The following MAU2 variants were observed in gnomAD, a reference collection of about 807,000 sequenced individuals.
MAU2 encodes the protein MAU2 chromatid cohesion factor homolog.
In MAU2, 9 loss-of-function variants were observed where a neutral mutation model predicts 89.1. The observed-to-expected ratio is 0.10, with a 90% confidence interval of 0.06 to 0.18. MAU2 has a LOEUF of 0.18. MAU2 is among the 10% of genes least tolerant of loss of function. The pLI is 1.00. For synonymous variants in MAU2, 357 were observed against 343.4 expected, an observed-to-expected ratio of 1.04 and a Z score of -0.44; for missense variants, 425 against 803.5, an observed-to-expected ratio of 0.53 and a Z score of 5.69.
chr19:19,343,833 A>G lies in MAU2; in HGVS notation c.974-4A>G. ...GCATGCTTACCCCTGACTCTCACCCATAGTGCTGGACTGCAGCCCCATCCT... is the reference window on the plus strand; with the variant it reads ...GCATGCTTACCCCTGACTCTCACCCGTAGTGCTGGACTGCAGCCCCATCCT... On this transcript the variant is annotated splice_polypyrimidine_tract_variant and splice_region_variant and intron_variant, in intron 9 of 18. Transcript: ENST00000262815. 1.2e-6 allele frequency: 2 copies of G among 1,611,256 alleles called. No homozygotes were observed. The highest frequency in any genetic ancestry group is 1.7e-6 in the Non-Finnish European group (2 of 1,177,998).
rs2146686593 is a variant in MAU2, at chr19:19,341,387, C to T, written c.715C>T (p.His239Tyr). The T allele has an allele frequency of 6.2e-7, 1 of 1,613,958 alleles. No homozygotes were observed. The highest frequency in any genetic ancestry group is 8.5e-7 in the Non-Finnish European group (1 of 1,180,010). The change falls in exon 7 of 19, where the codon CAC (histidine) becomes TAC (tyrosine). Residue 239 changes from histidine (H) to tyrosine (Y), a missense_variant. By Grantham distance (83) the His-to-Tyr change is moderately conservative. Coordinates refer to ENST00000262815, the MANE Select transcript of MAU2 (RefSeq NM_015329.4). ...RVFFLVLQVT[H>Y]YLDAGQVKSV... ...CTTCTTCCTGGTGCTCCAGGTCACC[C>T]ACTATCTGGATGCCGGGCAGGTGTG... is the stretch of plus-strand genomic sequence containing the variant.
rs2061680670 is a variant in MAU2, at chr19:19,344,857, G to C, written c.1086G>C (p.Gln362His). Residue 362 changes from glutamine (Q) to histidine (H), a missense_variant, in exon 11 of 19, where the codon CAG becomes CAC. Transcript: ENST00000262815. ...ACACTCTCTCCCGGCAGATCTCCCA[G>C]GTCTGCCAGCTGTGCCAGCAGTCCC... Reference protein sequence around the residue: ...HKATALQEISQVCQLCQQSPR... With the variant: ...HKATALQEISHVCQLCQQSPR... The C allele has an allele frequency of 1.2e-6, 2 of 1,613,484 alleles. No homozygotes were observed. Among genetic ancestry groups the C allele is most frequent in the Non-Finnish European group, 1.7e-6 (2 of 1,179,932 alleles).
At position 19,345,164 on chromosome 19, in the gene MAU2, T is replaced by C. The variant is rs544606647; in HGVS notation, c.1156-140T>C. Reference sequence around the variant, plus strand: ...TGAAAGGTGGGGACAGTGAGCATATTACCTGCCTTGCAGCTGGCTCGGTAG... The same window carrying C: ...TGAAAGGTGGGGACAGTGAGCATATCACCTGCCTTGCAGCTGGCTCGGTAG... On this transcript the variant is annotated intron_variant, in intron 11 of 18. Coordinates refer to ENST00000262815, the MANE Select transcript of MAU2 (RefSeq NM_015329.4). The surrounding 1 kb of genome is among the most constrained non-coding windows in gnomAD (Gnocchi z 4.9). 2.1e-5 allele frequency: 17 copies of C among 792,434 alleles called. No individual in the cohort carries two copies. Among genetic ancestry groups the C allele is most frequent in the African/African-American group, 2.0e-4 (12 of 59,222 alleles). The allele number at this position is 792,434 out of a possible 1,614,324, so 49.1% of individuals were successfully genotyped here.
At chr19:19,331,682 ACCTGAGC>A (rs933414163) in intron 1 of MAU2, among the ~76,000 whole-genome samples, 29 of 151,966 alleles carry the variant, frequency 1.9e-4, no homozygotes, top group Non-Finnish European at 7.4e-5. Flanking sequence ...TGGGACGATC[ACCTGAGC>A]CCAGGAGTTC....
chr19:19,330,700 A>G (rs1020809977), intron 1 of MAU2, among the ~76,000 whole-genome samples: 1 of 152,106 alleles, frequency 6.6e-6, no homozygotes. Flanking sequence ...AGATCACACC[A>G]TTGCACTCCA....
chr19:19,342,985 C>G, intron 9 of MAU2, 119 bp downstream of exon 9: 1 of 1,023,712 alleles, frequency 9.8e-7, no homozygotes, highest in Non-Finnish European at 1.5e-6. Context: ...AGCCACCCTG[C>G]CTGGTGGGTC....
At chr19:19,347,431 G>A (rs796666563) in intron 13 of MAU2, 65 bp downstream of exon 13, 3 of 1,310,002 alleles carry the variant, frequency 2.3e-6, no homozygotes, top group Middle Eastern at 3.7e-4. Context: ...GGAACCAGGG[G>A]GTTGTCCTGG....
Position 19,345,461 on chromosome 19 carries a change from A to T in MAU2, c.1221+92A>T. On this transcript the variant is annotated intron_variant, in intron 12 of 18. Transcript: ENST00000262815. The surrounding 1 kb of genome is among the most constrained non-coding windows in gnomAD (Gnocchi z 4.9). ...CTGTGATGAGGACAGCAGTCGCGCT[A>T]GGTCAGCTATGCAAAGCCGCAGCCC... is the stretch of plus-strand genomic sequence containing the variant. The T allele has an allele frequency of 7.9e-7, 1 of 1,267,510 alleles. No individual in the cohort carries two copies. Among genetic ancestry groups the T allele is most frequent in the Non-Finnish European group, 1.1e-6 (1 of 879,250 alleles). The allele number at this position is 1,267,510 out of a possible 1,614,324, so 78.5% of individuals were successfully genotyped here. A position where few individuals can be genotyped will look rare whatever the true frequency, so the allele number is the denominator to read the frequency against.
At chr19:19,351,863 T>TC (rs1194037092) in intron 16 of MAU2, among the ~76,000 whole-genome samples, 3 of 143,652 alleles carry the variant, frequency 2.1e-5, no homozygotes, top group African/African-American at 7.8e-5. Flanking sequence ...TTTTTTTTTT[T>TC]TTTGAGATGA....
intron 1 of MAU2, among the ~76,000 whole-genome samples, chr19:19,325,945 A>G (rs1355521383): frequency 6.6e-6 from 1 of 150,606 alleles, no homozygotes; most frequent in East Asian, 1.9e-4. Context: ...TTTTTATTTA[A>G]GGTTATTTCT....
intron 6 of MAU2, 103 bp from the exon 7 acceptor site, chr19:19,341,149 G>A (rs2061642140): frequency 7.3e-7 from 1 of 1,378,318 alleles, no homozygotes; most frequent in Admixed American, 2.1e-5. Flanking sequence ...CTCTGGATTG[G>A]TGGCAGCAGT....
At chr19:19,334,639 C>T (rs2061581972) in intron 1 of MAU2, 1 of 978,694 alleles carries the variant, frequency 1.0e-6, no homozygotes, top group Non-Finnish European at 1.2e-6. Flanking sequence ...AGTCAGCTTC[C>T]AGGGGTGACA....
intron 17 of MAU2, among the ~76,000 whole-genome samples, chr19:19,354,773 T>C (rs1028014309): frequency 2.0e-5 from 3 of 152,322 alleles, no homozygotes; most frequent in Non-Finnish European, 4.4e-5. Flanking sequence ...ACCTATTGGG[T>C]AGGGCTGGCC....
At chr19:19,353,540 C>T (rs993146398) in intron 16 of MAU2, 3 of 152,316 alleles carry the variant, frequency 2.0e-5, no homozygotes, top group Non-Finnish European at 4.4e-5. Context: ...AGCCAGGTCT[C>T]AGGAGTTGGT....
At chr19:19,325,172 AT>A (rs1406308376) in intron 1 of MAU2, among the ~76,000 whole-genome samples, 2 of 151,564 alleles carry the variant, frequency 1.3e-5, no homozygotes, top group African/African-American at 4.8e-5. Context: ...TGTTACTTTT[AT>A]TTTATTTATT....
At chr19:19,336,683 G>A (rs2061599319) in intron 3 of MAU2, among the ~76,000 whole-genome samples, 1 of 152,188 alleles carries the variant, frequency 6.6e-6, no homozygotes, top group Admixed American at 6.5e-5. Context: ...TTCTACATAA[G>A]ACTGTTGGAA....
intron 13 of MAU2, chr19:19,348,149 G>C (rs2061710828): frequency 6.5e-6 from 1 of 154,068 alleles, no homozygotes; most frequent in Non-Finnish European, 1.4e-5. Flanking sequence ...AGGATCACTT[G>C]AGGTCAGGAG....
At chr19:19,346,603 G>A (rs545152958) in intron 12 of MAU2, among the ~76,000 whole-genome samples, 1 of 152,256 alleles carries the variant, frequency 6.6e-6, no homozygotes, top group Non-Finnish European at 1.5e-5. Context: ...TGCCAGGAGG[G>A]GATCTGTGCA....
intron 1 of MAU2, 138 bp from the exon 2 acceptor site, chr19:19,335,580 C>A: frequency 1.2e-6 from 1 of 804,410 alleles, no homozygotes. Context: ...CCTCTCAGGC[C>A]AAGCGGGCCG....
Sources: allele counts gnomAD v4.1 joint callset (sites outside exome capture counted in the v4.1 genomes callset), GRCh38; gene constraint gnomAD v4.1.1; non-coding constraint Gnocchi (gnomAD v3.1); transcripts MANE v1.5; gene names NCBI Gene and HGNC (gene_info 2026-07-23, HGNC 2026-07-21).